IRAG2: variants seen among roughly 807,000 people sequenced by gnomAD.
The protein encoded by IRAG2 is lymphoid restricted membrane protein.
In IRAG2, 45 loss-of-function variants were observed where a neutral mutation model predicts 69.9. The ratio of observed to expected loss-of-function variants is 0.64; its 90% CI spans 0.51 to 0.83. The LOEUF (loss-of-function observed/expected upper bound fraction) is 0.83, where lower values mean the gene tolerates loss of function less well. Ranked by LOEUF, IRAG2 falls within the 40% of genes least tolerant of loss-of-function variation. The pLI, the probability that IRAG2 is intolerant of heterozygous loss-of-function variation, is 0.00. For missense variants in IRAG2, 520 were observed against 587.0 expected, an observed-to-expected ratio of 0.89 and a Z score of 1.18; for synonymous variants, 193 against 202.4, an observed-to-expected ratio of 0.95 and a Z score of 0.40.
chr12:25,033,601 T>G (rs1354270730), intron 12 of IRAG2, among the ~76,000 whole-genome samples: 1 of 152,188 alleles, frequency 6.6e-6, no homozygotes, highest in African/African-American at 2.4e-5. Context: ...ATTTTCTGAT[T>G]TTTAACTGTT....
At chr12:25,047,546 A>G (rs1164091839), upstream of IRAG2, among the ~76,000 whole-genome samples, 1 of 152,094 alleles carries the variant, frequency 6.6e-6, no homozygotes, top group African/African-American at 2.4e-5. Context: ...GGTTTGCTGC[A>G]CAGATCAACC....
chr12:25,096,824 C>T, intron 14 of IRAG2, 86 bp from the exon 15 acceptor site: 5 of 983,444 alleles, frequency 5.1e-6, no homozygotes, highest in South Asian at 1.9e-5. Flanking sequence ...ATTAGAATGT[C>T]ATCCACATTT....
At chr12:25,008,680 A>G (rs1804806346) in intron 2 of IRAG2, among the ~76,000 whole-genome samples, 1 of 152,184 alleles carries the variant, frequency 6.6e-6, no homozygotes, top group Non-Finnish European at 1.5e-5. Context: ...TGGAGGCTGC[A>G]GTAAGCTGAG....
chr12:25,103,618 CATAAATTATAATA>C (rs1948875440), intron 17 of IRAG2: 1 of 505,628 alleles, frequency 2.0e-6, no homozygotes, highest in African/African-American at 1.9e-5. Flanking sequence ...GTTAGATTGG[CATAAATTATAATA>C]ATCCAACATT....
At chr12:25,043,904 A>AACTT (rs1247964499) in intron 16 of IRAG2, among the ~76,000 whole-genome samples, 1 of 152,228 alleles carries the variant, frequency 6.6e-6, no homozygotes, top group East Asian at 1.9e-4. Flanking sequence ...ACAGGTAAAG[A>AACTT]ACTTACCTGA....
At chr12:25,039,579 C>T (rs549196967) in intron 16 of IRAG2, among the ~76,000 whole-genome samples, 1 of 152,244 alleles carries the variant, frequency 6.6e-6, no homozygotes, top group African/African-American at 2.4e-5. Flanking sequence ...TACAGGCGCC[C>T]GCCACCACGC....
At chr12:25,098,056 T>C (rs1486975770) in intron 15 of IRAG2, among the ~76,000 whole-genome samples, 2 of 152,236 alleles carry the variant, frequency 1.3e-5, no homozygotes, top group African/African-American at 4.8e-5. Flanking sequence ...CCTGCTTTCC[T>C]GGCCAAGCTT....
chr12:25,065,437 C>T (rs1479259760), intron 4 of IRAG2, among the ~76,000 whole-genome samples: 1 of 152,206 alleles, frequency 6.6e-6, no homozygotes, highest in Non-Finnish European at 1.5e-5. Context: ...TACTCAGAAA[C>T]ACACATAACA....
chr12:25,012,166 T>C (rs1944480947), intron 3 of IRAG2, among the ~76,000 whole-genome samples: 1 of 142,584 alleles, frequency 7.0e-6, no homozygotes, highest in Non-Finnish European at 1.5e-5. Flanking sequence ...TTTTTTTTTT[T>C]TTTTCTGAGA....
intron 5 of IRAG2, chr12:25,015,538 G>A: frequency 1.7e-6 from 1 of 597,738 alleles, no homozygotes; most frequent in Non-Finnish European, 2.4e-6. Context: ...TTTTTTTGCA[G>A]TAGAGCTAGC....
intron 7 of IRAG2, among the ~76,000 whole-genome samples, chr12:25,022,113 T>C (rs1944585838): frequency 6.6e-6 from 1 of 152,200 alleles, no homozygotes; most frequent in Admixed American, 6.5e-5. Flanking sequence ...AAAATGGAGA[T>C]AACAATACTA....
intron 1 of IRAG2, among the ~76,000 whole-genome samples, chr12:25,057,876 G>T (rs771750976): frequency 1.6e-4 from 25 of 152,168 alleles, no homozygotes; most frequent in Non-Finnish European, 1.0e-4. Context: ...ACTTTTTTGT[G>T]TGTTTGTCTT....
intron 1 of IRAG2, 43 bp downstream of exon 1, chr12:25,052,999 C>T (rs981729213): frequency 7.5e-6 from 3 of 398,232 alleles, no homozygotes; most frequent in African/African-American, 6.2e-5. Context: ...TTTGTCCACC[C>T]TCAGGCGGGG....
At chr12:25,041,978 T>C (rs1944754404) in intron 16 of IRAG2, among the ~76,000 whole-genome samples, 1 of 151,344 alleles carries the variant, frequency 6.6e-6, no homozygotes. Flanking sequence ...TGTGTGTGTG[T>C]GTGTGTGTGT....
At chr12:25,083,755 CATTT>C (rs1477651986) in intron 10 of IRAG2, among the ~76,000 whole-genome samples, 4 of 152,194 alleles carry the variant, frequency 2.6e-5, no homozygotes, top group African/African-American at 4.8e-5. Flanking sequence ...TTTGCTCACT[CATTT>C]ATTCATCAAA....
At chr12:25,082,788 C>A (rs546391200) in intron 9 of IRAG2, among the ~76,000 whole-genome samples, 1 of 152,158 alleles carries the variant, frequency 6.6e-6, no homozygotes, top group African/African-American at 2.4e-5. Flanking sequence ...GAAACAAAAC[C>A]TGCCTGTATC....
At chr12:25,097,105 G>C in intron 15 of IRAG2, 61 bp downstream of exon 15, 2 of 1,499,538 alleles carry the variant, frequency 1.3e-6, no homozygotes, top group Non-Finnish European at 1.8e-6. Flanking sequence ...CTTTTCCTGA[G>C]ACTATGGATT....
rs375625980 is a variant in IRAG2, at chr12:25,102,198, A to G, written c.890A>G (p.Asp297Gly). The G allele has an allele frequency of 1.9e-4, 305 of 1,612,916 alleles. 3 individuals carry two copies. In the South Asian group the frequency reaches 3.2e-3, roughly 17 times the overall value. Residue 297 changes from aspartate (D) to glycine (G), a missense_variant and splice_region_variant, in exon 17 of 22, where the codon GAT becomes GGT. Asp to Gly is a moderately conservative substitution (Grantham distance 94, BLOSUM62 -1). Transcript: ENST00000556887. ...TGTGTCAATGTGTTTTTCCTTTCAG[A>G]TGACTGCCAAATTAAAAAACGTTCA... ...ERSFNPLEDD[D>G]DCQIKKRSAS...
intron 2 of IRAG2, among the ~76,000 whole-genome samples, chr12:25,006,961 GA>G (rs1039062909): frequency 7.2e-5 from 11 of 151,726 alleles, no homozygotes; most frequent in African/African-American, 2.7e-4. Flanking sequence ...CGAAAAGAAG[GA>G]AAAAAAATTG....
Sources: allele counts gnomAD v4.1 joint callset (sites outside exome capture counted in the v4.1 genomes callset), GRCh38; gene constraint gnomAD v4.1.1; transcripts MANE v1.5; gene names NCBI Gene and HGNC (gene_info 2026-07-23, HGNC 2026-07-21).